The following ROBO1 variants were observed in gnomAD, a reference collection of about 807,000 sequenced individuals.
ROBO1 encodes the protein roundabout guidance receptor 1.
Under a neutral mutation model 195.9 loss-of-function variants are expected in ROBO1, and 149 were observed. The observed-to-expected ratio is 0.76, with a 90% CI of 0.67 to 0.87. ROBO1 has a LOEUF of 0.87. Ranked by LOEUF, ROBO1 falls within the 40% of genes least tolerant of loss-of-function variation. ROBO1 has a pLI of 0.00. For missense variants in ROBO1, 1,933 were observed against 2,068.3 expected, an observed-to-expected ratio of 0.93 and a Z score of 1.27; for synonymous variants, 816 against 733.2, an observed-to-expected ratio of 1.11 and a Z score of -1.82.
At chr3:79,318,262 C>T (rs1489199315) in intron 2 of ROBO1, among the ~76,000 whole-genome samples, 3 of 152,194 alleles carry the variant, frequency 2.0e-5, no homozygotes, top group Non-Finnish European at 1.5e-5. Flanking sequence ...TCTGGGCTCC[C>T]TATGGTTCAG....
intron 10 of ROBO1, among the ~76,000 whole-genome samples, chr3:78,673,564 A>T (rs1450448750): frequency 0.099 from 2,106 of 21,202 alleles, 93 homozygotes; most frequent in African/African-American, 0.33. Context: ...CATATATTTT[A>T]TATATATATA....
chr3:78,754,508 A>T (rs1204142554), intron 4 of ROBO1, among the ~76,000 whole-genome samples: 2 of 152,212 alleles, frequency 1.3e-5, no homozygotes, highest in Non-Finnish European at 2.9e-5. Flanking sequence ...GGCTCTTTGT[A>T]TCTGAAGGTC....
chr3:79,709,378 G>A (rs1406206513), intron 1 of ROBO1, among the ~76,000 whole-genome samples: 1 of 151,918 alleles, frequency 6.6e-6, no homozygotes, highest in African/African-American at 2.4e-5. Flanking sequence ...TTAGAATAGA[G>A]GAATCTGTAG....
At chr3:79,087,222 A>G (rs979255490) in intron 3 of ROBO1, among the ~76,000 whole-genome samples, 1 of 151,242 alleles carries the variant, frequency 6.6e-6, no homozygotes, top group Admixed American at 6.6e-5. Context: ...AAATTAAAAA[A>G]CAGTCAAAGG....
chr3:79,280,712 G>A (rs1053406364), intron 2 of ROBO1, among the ~76,000 whole-genome samples: 10 of 152,074 alleles, frequency 6.6e-5, no homozygotes, highest in African/African-American at 1.9e-4. Context: ...GAATGGTTTC[G>A]GGATGAAACT....
At chr3:79,295,878 C>A (rs1348879301) in intron 2 of ROBO1, among the ~76,000 whole-genome samples, 1 of 151,944 alleles carries the variant, frequency 6.6e-6, no homozygotes, top group Admixed American at 6.6e-5. Context: ...TAAAAAAGAA[C>A]AAAACAACTA....
At chr3:78,690,386 T>A (rs929207544) in intron 8 of ROBO1, among the ~76,000 whole-genome samples, 2 of 152,002 alleles carry the variant, frequency 1.3e-5, no homozygotes, top group Non-Finnish European at 2.9e-5. Context: ...CTCTAACTTA[T>A]AGGGAAGAAA....
At position 78,837,306 on chromosome 3, in the gene ROBO1, A is replaced by G. The variant is rs191896385; in HGVS notation, c.500-90406T>C. Among the ~76,000 whole-genome samples, 752 of 152,196 alleles carry G rather than the reference A, an allele frequency of 4.9e-3. 5 individuals carry two copies. Among genetic ancestry groups the G allele is most frequent in the African/African-American group, 0.017 (723 of 41,544 alleles). ...GAGTTAATAGACAAATGCATGATTT[A>G]AAATTTCTCAACAGTCATGAATCTG... On this transcript the variant is annotated intron_variant, in intron 4 of 30. Coordinates refer to ENST00000464233, the MANE Select transcript of ROBO1 (RefSeq NM_002941.4).
At chr3:78,663,170 G>T (rs888236356) in intron 14 of ROBO1, among the ~76,000 whole-genome samples, 10 of 151,348 alleles carry the variant, frequency 6.6e-5, no homozygotes, top group South Asian at 6.3e-4. Context: ...GAAAGCAAAA[G>T]CAGGAATACT....
intron 3 of ROBO1, among the ~76,000 whole-genome samples, chr3:79,018,157 G>A (rs1261291865): frequency 6.6e-6 from 1 of 152,150 alleles, no homozygotes; most frequent in Non-Finnish European, 1.5e-5. Flanking sequence ...CCTGAACTTG[G>A]CAAAAGGCCG....
At chr3:78,675,700 C>A (rs560734047) in intron 10 of ROBO1, among the ~76,000 whole-genome samples, 22 of 152,298 alleles carry the variant, frequency 1.4e-4, no homozygotes, top group Admixed American at 1.2e-3. Context: ...CCCACCACAG[C>A]TCAAGGAGGC....
rs540244430 is a variant in ROBO1 at position 78,700,795 on chromosome 3, C to T, written c.1046-12023G>A. ...TTTTTTTTTTTGAGATGGAGTTTAG[C>T]TCTTGTCTCCCAGGCTGGAGTGCAG... is the stretch of plus-strand genomic sequence containing the variant. On this transcript the variant is annotated intron_variant, in intron 8 of 30. Coordinates refer to ENST00000464233, the MANE Select transcript of ROBO1 (RefSeq NM_002941.4). Among the ~76,000 whole-genome samples the T allele has an allele frequency of 9.5e-5, 14 of 147,546 alleles. No individual in the cohort carries two copies. The East Asian group carries it at 2.8e-3, about 29-fold the overall frequency.
intron 14 of ROBO1, among the ~76,000 whole-genome samples, chr3:78,665,216 GT>G (rs1707663090): frequency 6.6e-6 from 1 of 152,270 alleles, no homozygotes; most frequent in South Asian, 2.1e-4. Context: ...GAACTGAATA[GT>G]TCTAAGTAAA....
chr3:79,063,153 G>A (rs1189261103), intron 3 of ROBO1, among the ~76,000 whole-genome samples: 4 of 151,734 alleles, frequency 2.6e-5, no homozygotes, highest in African/African-American at 9.7e-5. Flanking sequence ...AAACAGACAG[G>A]TGTAGCTGTG....
chr3:79,493,837 T>C (rs949247931), intron 2 of ROBO1, among the ~76,000 whole-genome samples: 4 of 152,202 alleles, frequency 2.6e-5, no homozygotes, highest in Admixed American at 6.5e-5. Flanking sequence ...TCATCATTTC[T>C]TTTGTTAGAA....
intron 1 of ROBO1, among the ~76,000 whole-genome samples, chr3:79,617,935 A>G (rs555382046): frequency 1.4e-5 from 2 of 141,804 alleles, no homozygotes; most frequent in Non-Finnish European, 3.1e-5. Flanking sequence ...AAAAAAAAAA[A>G]GAACTTCTGG....
intron 1 of ROBO1, among the ~76,000 whole-genome samples, chr3:79,600,362 A>C (rs530000048): frequency 6.6e-6 from 1 of 152,134 alleles, no homozygotes; most frequent in Admixed American, 6.6e-5. Context: ...GGTCGAAGAG[A>C]AGTTAAACAT....
chr3:79,180,253 A>T (rs1254500025), intron 2 of ROBO1, among the ~76,000 whole-genome samples: 1 of 152,120 alleles, frequency 6.6e-6, no homozygotes, highest in Non-Finnish European at 1.5e-5. Flanking sequence ...ACTCTTTCTC[A>T]TTTATTAATT....
intron 2 of ROBO1, among the ~76,000 whole-genome samples, chr3:79,539,136 G>A (rs1222188053): frequency 2.0e-5 from 3 of 152,082 alleles, no homozygotes; most frequent in African/African-American, 7.2e-5. Context: ...TGTAAATCAT[G>A]GCAAACAAAT....
Sources: gnomAD v4.1 joint callset for allele counts (sites outside exome capture counted in the v4.1 genomes callset) on GRCh38, gnomAD v4.1.1 for gene constraint, MANE v1.5 for transcripts, NCBI Gene and HGNC (gene_info 2026-07-23, HGNC 2026-07-21) for gene names.